Variants in ARHGAP26 observed in about 807,000 individuals in gnomAD.
The protein encoded by ARHGAP26 is Rho GTPase activating protein 26.
Under a neutral mutation model 104.8 loss-of-function variants are expected in ARHGAP26, and 38 were observed. The ratio of observed to expected loss-of-function variants is 0.36; its 90% CI spans 0.28 to 0.48. The LOEUF (loss-of-function observed/expected upper bound fraction) is 0.48, where lower values mean the gene tolerates loss of function less well. Among genes scored for constraint, ARHGAP26 ranks in the 20% least tolerant of loss-of-function variants. The pLI, the probability that ARHGAP26 is intolerant of heterozygous loss-of-function variation, is 0.99. For missense variants in ARHGAP26, 704 were observed against 947.9 expected (o/e 0.74, Z 3.38); for synonymous variants, 341 against 340.0 (o/e 1.00, Z -0.03).
At chr5:142,796,956 G>A (rs1459004657) in intron 1 of ARHGAP26, among the ~76,000 whole-genome samples, 1 of 152,214 alleles carries the variant, frequency 6.6e-6, no homozygotes, top group Non-Finnish European at 1.5e-5. Context: ...AAGCTCACTA[G>A]CTATAGCGTG....
At chr5:142,832,456 C>T (rs780091566) in intron 1 of ARHGAP26, among the ~76,000 whole-genome samples, 1 of 149,796 alleles carries the variant, frequency 6.7e-6, no homozygotes, top group Non-Finnish European at 1.5e-5. Context: ...AGGAGGAGAG[C>T]CTGCAGCAGG....
At chr5:143,059,808 A>C (rs755156017) in intron 17 of ARHGAP26, among the ~76,000 whole-genome samples, 1 of 152,198 alleles carries the variant, frequency 6.6e-6, no homozygotes, top group Non-Finnish European at 1.5e-5. Context: ...AATTATCAAG[A>C]AATCTACCTG....
chr5:142,858,723 A>G (rs367608593), intron 1 of ARHGAP26, among the ~76,000 whole-genome samples: 20 of 152,208 alleles, frequency 1.3e-4, no homozygotes, highest in East Asian at 1.2e-3. Flanking sequence ...TGTTCACATT[A>G]AACAGTCACC....
chr5:143,054,726 A>G (rs1186975381), intron 15 of ARHGAP26, among the ~76,000 whole-genome samples, 200 bp downstream of exon 15: 1 of 152,230 alleles, frequency 6.6e-6, no homozygotes, highest in Non-Finnish European at 1.5e-5. Context: ...TTGTGCAGTG[A>G]CACCCTGAGT....
rs1598305079 is a variant in ARHGAP26 at position 142,935,653 on chromosome 5, A to G, written c.1107+3528A>G. Among the ~76,000 whole-genome samples the G allele has an allele frequency of 1.3e-5, 2 of 152,158 alleles. 1 individual carries two copies. The highest frequency in any genetic ancestry group is 1.3e-4 in the Admixed American group (2 of 15,278). ...CTACTTGGTCCAGAGGCTAGGATGG[A>G]TGAATTGACCAGAACTTACTCATGT... is the stretch of plus-strand genomic sequence containing the variant. On this transcript the variant is annotated intron_variant, in intron 11 of 22. Transcript: ENST00000645722.
intron 11 of ARHGAP26, among the ~76,000 whole-genome samples, chr5:142,984,876 C>A (rs1375743019): frequency 6.6e-6 from 1 of 152,060 alleles, no homozygotes; most frequent in Non-Finnish European, 1.5e-5. Flanking sequence ...GTATTTACTA[C>A]AGTCTGCTTT....
At chr5:143,117,383 C>T (rs1795604707) in intron 17 of ARHGAP26, among the ~76,000 whole-genome samples, 1 of 152,138 alleles carries the variant, frequency 6.6e-6, no homozygotes, top group Admixed American at 6.5e-5. Flanking sequence ...GCCTTTCTGT[C>T]CGGGATACAT....
intron 19 of ARHGAP26, among the ~76,000 whole-genome samples, chr5:143,140,113 A>G (rs1384417480): frequency 1.3e-5 from 2 of 152,212 alleles, no homozygotes; most frequent in African/African-American, 2.4e-5. Context: ...TACCCAGGAT[A>G]TTCTGAGTCA....
intron 1 of ARHGAP26, among the ~76,000 whole-genome samples, chr5:142,778,941 AG>A (rs1756910065): frequency 7.3e-6 from 1 of 136,324 alleles, no homozygotes; most frequent in African/African-American, 3.7e-5. Context: ...ACCAAGGGAT[AG>A]AAAAAAAAAA....
intron 20 of ARHGAP26, among the ~76,000 whole-genome samples, chr5:143,191,703 C>G (rs1000992375): frequency 2.0e-5 from 3 of 152,154 alleles, no homozygotes; most frequent in African/African-American, 7.2e-5. Context: ...TTGGGCGCCA[C>G]CACCCAGTAG....
At chr5:142,905,999 A>G (rs1394886704) in intron 8 of ARHGAP26, among the ~76,000 whole-genome samples, 2 of 152,148 alleles carry the variant, frequency 1.3e-5, no homozygotes, top group African/African-American at 4.8e-5. Context: ...ACAGTTCTCC[A>G]GCTTTTCTTT....
At chr5:142,959,898 A>G (rs1332475137) in intron 11 of ARHGAP26, among the ~76,000 whole-genome samples, 1 of 152,238 alleles carries the variant, frequency 6.6e-6, no homozygotes, top group Admixed American at 6.5e-5. Flanking sequence ...ACTTTGGACA[A>G]ACCCTACCAT....
At chr5:143,107,387 C>T (rs1001331558) in intron 17 of ARHGAP26, among the ~76,000 whole-genome samples, 3 of 152,172 alleles carry the variant, frequency 2.0e-5, no homozygotes, top group African/African-American at 7.2e-5. Context: ...CTGCTAAAGT[C>T]AGTTACTGAT....
At chr5:142,779,904 T>A (rs1356449688) in intron 1 of ARHGAP26, among the ~76,000 whole-genome samples, 2 of 152,244 alleles carry the variant, frequency 1.3e-5, no homozygotes, top group Non-Finnish European at 2.9e-5. Context: ...TTACTTTAAC[T>A]CATAGCTATG....
At chr5:142,890,151 A>AAAAAAAATATAT (rs1252590997) in intron 5 of ARHGAP26, among the ~76,000 whole-genome samples, 1 of 32,432 alleles carries the variant, frequency 3.1e-5, no homozygotes, top group African/African-American at 1.2e-4. Flanking sequence ...AAAAAAAAAA[A>AAAAAAAATATAT]ATATATATAT....
intron 21 of ARHGAP26, among the ~76,000 whole-genome samples, chr5:143,213,290 AAAAC>A (rs1207062102): frequency 1.3e-4 from 20 of 152,210 alleles, no homozygotes; most frequent in East Asian, 9.7e-4. Flanking sequence ...GAGAAAAGCA[AAAAC>A]AAACCAAAAA....
chr5:142,932,483 C>T (rs1764868190), intron 11 of ARHGAP26, among the ~76,000 whole-genome samples: 1 of 152,126 alleles, frequency 6.6e-6, no homozygotes, highest in Non-Finnish European at 1.5e-5. Context: ...TAATATGATC[C>T]CTGCTGCCAT....
intron 12 of ARHGAP26, among the ~76,000 whole-genome samples, chr5:143,028,311 TA>T (rs1228025596): frequency 6.6e-6 from 1 of 152,200 alleles, no homozygotes; most frequent in Non-Finnish European, 1.5e-5. Flanking sequence ...TTCCTCATCA[TA>T]AAAACTTAGC....
chr5:142,986,128 G>A lies in ARHGAP26; in HGVS notation c.1108-27952G>A, dbSNP rs996344779. ...ACTAGTTTACAGTCCCACCAACAGCGTAAAAGTGTTCCTATTTCTCCACAT... is the reference window on the plus strand; with the variant it reads ...ACTAGTTTACAGTCCCACCAACAGCATAAAAGTGTTCCTATTTCTCCACAT... On this transcript the variant is annotated intron_variant, in intron 11 of 22. Coordinates refer to ENST00000645722, the MANE Select transcript of ARHGAP26 (RefSeq NM_001135608.3). Among the ~76,000 whole-genome samples the A allele has an allele frequency of 6.6e-5, 10 of 152,290 alleles. No individual in the cohort carries two copies. In the South Asian group the frequency reaches 1.5e-3, roughly 22 times the overall value.
Sources: gnomAD v4.1 joint callset for allele counts (sites outside exome capture counted in the v4.1 genomes callset) on GRCh38, gnomAD v4.1.1 for gene constraint, MANE v1.5 for transcripts, NCBI Gene and HGNC (gene_info 2026-07-23, HGNC 2026-07-21) for gene names.